Variants in SYTL4 observed in about 807,000 individuals in gnomAD.
SYTL4 encodes synaptotagmin-like protein 4.
A neutral mutation model predicts 52.7 loss-of-function variants in SYTL4; 16 were observed. The observed-to-expected ratio is 0.30, with a 90% CI of 0.21 to 0.46. The LOEUF is 0.46. Among genes scored for constraint, SYTL4 ranks in the 20% least tolerant of loss-of-function variants. The pLI, the probability that SYTL4 is intolerant of heterozygous loss-of-function variation, is 1.00. For synonymous variants in SYTL4, 160 were observed against 186.6 expected, an observed-to-expected ratio of 0.86 and a Z score of 1.16; for missense variants, 423 against 519.9, an observed-to-expected ratio of 0.81 and a Z score of 1.81.
At chrX:100,696,362 A>T (rs1478449678) in intron 8 of SYTL4, among the ~76,000 whole-genome samples, 1 of 111,928 alleles carries the variant, frequency 8.9e-6, no homozygotes, top group Non-Finnish European at 1.9e-5. Context: ...AGAAAAGAAA[A>T]TTTTTTTTAA....
chrX:100,723,265 G>A (rs916287243), intron 2 of SYTL4, among the ~76,000 whole-genome samples: 6 of 111,633 alleles, frequency 5.4e-5, no homozygotes, highest in African/African-American at 1.3e-4. Flanking sequence ...GATCGCAGGC[G>A]CGCGCCGCCA....
intron 2 of SYTL4, among the ~76,000 whole-genome samples, chrX:100,711,857 G>A (rs1433142334): frequency 2.9e-5 from 3 of 103,173 alleles, no homozygotes; most frequent in African/African-American, 1.0e-4. Flanking sequence ...AAAGAAGCTA[G>A]AGTGGTGGGG....
At chrX:100,722,659 T>C (rs773675133) in intron 2 of SYTL4, among the ~76,000 whole-genome samples, 3 of 108,793 alleles carry the variant, frequency 2.8e-5, no homozygotes, top group Admixed American at 9.7e-5. Context: ...ACTCAAGTCC[T>C]TCCTAAATAA....
rs757871951 is a variant in SYTL4, at chrX:100,701,962, C to T, written c.76G>A (p.Glu26Lys). Residue 26 changes from glutamate (E) to lysine (K), a missense_variant, in exon 5 of 20, where the codon GAA becomes AAA. Transcript: ENST00000372989. ...DLILSVLQRD[E>K]EVRKADEKRI... Reference sequence around the variant, plus strand: ...TTCTCATCTGCTTTCCGGACCTCTTCATCTCGCTGTAGAACACTGAGAATC... The same window carrying T: ...TTCTCATCTGCTTTCCGGACCTCTTTATCTCGCTGTAGAACACTGAGAATC... 1 of 1,210,706 alleles carries T rather than the reference C, an allele frequency of 8.3e-7. No individual in the cohort carries two copies. Among genetic ancestry groups the T allele is most frequent in the East Asian group, 3.0e-5 (1 of 33,832 alleles).
At chrX:100,725,651 C>A (rs905240178) in intron 2 of SYTL4, among the ~76,000 whole-genome samples, 1 of 111,646 alleles carries the variant, frequency 9.0e-6, no homozygotes, top group Non-Finnish European at 1.9e-5. Context: ...TATACACTTC[C>A]CCTGCCGAAA....
chrX:100,716,342 G>A (rs1320535767), intron 2 of SYTL4, among the ~76,000 whole-genome samples: 1 of 102,961 alleles, frequency 9.7e-6, no homozygotes, highest in East Asian at 3.1e-4. Context: ...CCAGCTACTC[G>A]GGAAGGCTGA....
intron 2 of SYTL4, among the ~76,000 whole-genome samples, chrX:100,720,494 G>A (rs1375281231): frequency 1.8e-5 from 2 of 111,882 alleles, no homozygotes; most frequent in African/African-American, 6.5e-5. Flanking sequence ...ACCCCCGCAG[G>A]GAAGACCCTC....
chrX:100,691,064 C>A, intron 9 of SYTL4, 44 bp downstream of exon 9: 1 of 1,016,830 alleles, frequency 9.8e-7, no homozygotes, highest in South Asian at 2.0e-5. Context: ...AACAAAATCA[C>A]AACTTGGGTT....
At chrX:100,720,867 A>C (rs1189315199) in intron 2 of SYTL4, among the ~76,000 whole-genome samples, 1 of 112,316 alleles carries the variant, frequency 8.9e-6, no homozygotes. Flanking sequence ...AATATTAATA[A>C]ATATATACAT....
At chrX:100,730,833 C>A (rs894515918) in intron 2 of SYTL4, among the ~76,000 whole-genome samples, 3 of 108,451 alleles carry the variant, frequency 2.8e-5, no homozygotes, top group African/African-American at 1.0e-4. Context: ...AAAACTTCAT[C>A]AAGGCCACGT....
At chrX:100,703,407 T>C (rs981541062) in intron 3 of SYTL4, among the ~76,000 whole-genome samples, 2 of 111,730 alleles carry the variant, frequency 1.8e-5, no homozygotes, top group Non-Finnish European at 3.8e-5. Flanking sequence ...GCATAGACAA[T>C]AGAAATCCAC....
At chrX:100,712,562 T>C (rs755787892) in intron 2 of SYTL4, among the ~76,000 whole-genome samples, 94 of 112,447 alleles carry the variant, frequency 8.4e-4, no homozygotes, top group Non-Finnish European at 1.5e-3. Flanking sequence ...TAGATATCCA[T>C]ATGAAACAAA....
intron 15 of SYTL4, 146 bp downstream of exon 15, chrX:100,686,533 A>G (rs1012735353): frequency 6.8e-6 from 3 of 443,860 alleles, no homozygotes; most frequent in Admixed American, 4.2e-5. Context: ...CTGGGAGATC[A>G]GGATGTGAAC....
At chrX:100,698,252 G>A (rs775619745) in intron 8 of SYTL4, among the ~76,000 whole-genome samples, 48 of 109,845 alleles carry the variant, frequency 4.4e-4, no homozygotes, top group African/African-American at 1.5e-3. Flanking sequence ...ACAGGCGCCT[G>A]CCACCACGCC....
In SYTL4 at chrX:100,703,143, A is replaced by C. The variant is rs2083889724; in HGVS notation, c.-121T>G. 9.0e-6 allele frequency: 1 copy of C among 111,543 alleles called. No homozygotes were observed. Among genetic ancestry groups the C allele is most frequent in the Non-Finnish European group, 1.9e-5 (1 of 53,117 alleles). The allele number at this position is 111,543 out of a possible 1,213,427, so 9.2% of individuals were successfully genotyped here. On this transcript the variant is annotated 5_prime_UTR_variant, in exon 4 of 20. Coordinates refer to ENST00000372989, the MANE Select transcript of SYTL4 (RefSeq NM_001370165.1). ...TGAGGCAGGAGGATCTCTTGAGCCT[A>C]GGAGTTCAAGACCAGCCTGGGCAAC...
At chrX:100,722,941 A>G (rs1327773485) in intron 2 of SYTL4, among the ~76,000 whole-genome samples, 1 of 111,728 alleles carries the variant, frequency 9.0e-6, no homozygotes, top group South Asian at 3.8e-4. Context: ...AGTACCACTG[A>G]CCATATTTTT....
At chrX:100,705,304 C>T (rs1386481435) in intron 2 of SYTL4, among the ~76,000 whole-genome samples, 1 of 111,568 alleles carries the variant, frequency 9.0e-6, no homozygotes, top group Admixed American at 9.6e-5. Context: ...ATTATTACCC[C>T]CATTGTATAG....
At chrX:100,715,241 T>G (rs1040187620) in intron 2 of SYTL4, among the ~76,000 whole-genome samples, 4 of 111,820 alleles carry the variant, frequency 3.6e-5, no homozygotes, top group African/African-American at 1.3e-4. Context: ...CAGGCTGGTC[T>G]CGAACTCTTA....
intron 12 of SYTL4, 120 bp from the exon 13 acceptor site, chrX:100,688,563 CTTT>C (rs746602688): frequency 9.2e-3 from 2,930 of 319,965 alleles, no homozygotes; most frequent in East Asian, 0.011. Flanking sequence ...ACACATACTT[CTTT>C]TTTTTTTTTT....
Sources: gnomAD v4.1 joint callset for allele counts (sites outside exome capture counted in the v4.1 genomes callset) on GRCh38, gnomAD v4.1.1 for gene constraint, MANE v1.5 for transcripts, NCBI Gene and HGNC (gene_info 2026-07-23, HGNC 2026-07-21) for gene names.